PACSIN2: variants seen among roughly 807,000 people sequenced by gnomAD.
PACSIN2 encodes protein kinase C and casein kinase substrate in neurons protein 2.
Under a neutral mutation model 63.8 loss-of-function variants are expected in PACSIN2, and 25 were observed. The ratio of observed to expected loss-of-function variants is 0.39; its 90% confidence interval spans 0.29 to 0.55. The LOEUF (loss-of-function observed/expected upper bound fraction) is 0.55, where lower values mean the gene tolerates loss of function less well. PACSIN2 is among the 20% of genes least tolerant of loss of function. PACSIN2 has a pLI of 0.62. For synonymous variants in PACSIN2, 255 were observed against 256.2 expected (o/e 1.00, Z 0.05); for missense variants, 518 against 646.9 (o/e 0.80, Z 2.16).
At chr22:42,981,720 A>C (rs1922159517) in intron 1 of PACSIN2, among the ~76,000 whole-genome samples, 1 of 82,012 alleles carries the variant, frequency 1.2e-5, no homozygotes. Context: ...GGCCGCCCCT[A>C]CTGGGAAGTG....
intron 1 of PACSIN2, among the ~76,000 whole-genome samples, chr22:42,917,606 C>T (rs956024901): frequency 4.0e-5 from 6 of 149,116 alleles, no homozygotes; most frequent in African/African-American, 1.5e-4. Flanking sequence ...CAGAGCAAGA[C>T]CCTATCTCAA....
chr22:42,910,693 C>T (rs977733979), intron 2 of PACSIN2, among the ~76,000 whole-genome samples: 1 of 151,372 alleles, frequency 6.6e-6, no homozygotes, highest in African/African-American at 2.4e-5. Context: ...ATTTCTCAGG[C>T]AGATGTGCCT....
intron 1 of PACSIN2, among the ~76,000 whole-genome samples, chr22:42,986,404 G>A (rs140875356): frequency 8.5e-5 from 13 of 152,190 alleles, no homozygotes; most frequent in East Asian, 3.9e-4. Flanking sequence ...CCGGCCAAAC[G>A]AAATCAAACG....
rs1353522962 is a variant in PACSIN2 at position 42,980,497 on chromosome 22, CCCCTCTCCCTCT to C, written c.-78+34512_-78+34523del. Reference sequence around the variant, plus strand: ...CCCTCTCCCTCTCCCCCTCCCCCTCCCCCTCTCCCTCTCCCTCCACGGTCTCCCTCTGATGCC... The same window carrying C: ...CCCTCTCCCTCTCCCCCTCCCCCTCCCCCTCCACGGTCTCCCTCTGATGCC... On this transcript the variant is annotated intron_variant, in intron 1 of 10. Transcript: ENST00000263246. Among the ~76,000 whole-genome samples the C allele has an allele frequency of 1.2e-4, 17 of 136,706 alleles. No homozygotes were observed. The East Asian group carries it at 3.3e-3, about 27-fold the overall frequency. 89.7% of individuals were successfully genotyped at this position (136,706 alleles called of 152,430 possible). A position where few individuals can be genotyped will look rare whatever the true frequency, so the allele number is the denominator to read the frequency against.
chr22:43,004,705 T>C (rs1182029579), intron 1 of PACSIN2, among the ~76,000 whole-genome samples: 1 of 152,244 alleles, frequency 6.6e-6, no homozygotes, highest in Non-Finnish European at 1.5e-5. Context: ...CACTTTACAT[T>C]AAGAAGATTT....
intron 1 of PACSIN2, among the ~76,000 whole-genome samples, chr22:42,982,885 A>C (rs866551852): frequency 1.6e-4 from 21 of 133,238 alleles, no homozygotes; most frequent in African/African-American, 5.3e-4. Flanking sequence ...AAAAAAAAAA[A>C]AAAAACAACA....
chr22:42,978,724 A>G (rs1233083777), intron 1 of PACSIN2, among the ~76,000 whole-genome samples: 2 of 152,172 alleles, frequency 1.3e-5, no homozygotes, highest in Non-Finnish European at 2.9e-5. Flanking sequence ...GACATATTCA[A>G]AAGTATGTTT....
chr22:42,972,887 T>C (rs1341221574), intron 1 of PACSIN2, among the ~76,000 whole-genome samples: 1 of 152,226 alleles, frequency 6.6e-6, no homozygotes, highest in Admixed American at 6.5e-5. Context: ...TGGCTTTGAA[T>C]GTGCTTCTTT....
intron 1 of PACSIN2, among the ~76,000 whole-genome samples, chr22:42,981,325 C>T (rs1922098747): frequency 7.0e-6 from 1 of 143,486 alleles, no homozygotes; most frequent in African/African-American, 2.7e-5. Flanking sequence ...CGTCTCCGCC[C>T]GGCAGCCACC....
chr22:42,987,110 G>A (rs375286837), intron 1 of PACSIN2, among the ~76,000 whole-genome samples: 1 of 152,130 alleles, frequency 6.6e-6, no homozygotes, highest in African/African-American at 2.4e-5. Flanking sequence ...ATGACTTGCT[G>A]GGGGGTGTGT....
At chr22:43,009,970 A>C (rs542699737) in intron 1 of PACSIN2, among the ~76,000 whole-genome samples, 1 of 142,568 alleles carries the variant, frequency 7.0e-6, no homozygotes, top group South Asian at 2.2e-4. Flanking sequence ...CCCGGGTTCT[A>C]GTGATTCTCC....
intron 1 of PACSIN2, among the ~76,000 whole-genome samples, chr22:42,965,492 G>A (rs1270407555): frequency 1.3e-5 from 2 of 152,214 alleles, no homozygotes; most frequent in Non-Finnish European, 2.9e-5. Context: ...GCCCCCAGCA[G>A]AAGTCTAGTA....
chr22:43,013,648 G>A (rs1924647268), intron 1 of PACSIN2, among the ~76,000 whole-genome samples: 1 of 152,214 alleles, frequency 6.6e-6, no homozygotes, highest in South Asian at 2.1e-4. Flanking sequence ...AATCCCAGGA[G>A]GGTTAAAACA....
At chr22:42,956,390 C>T in intron 1 of PACSIN2, among the ~76,000 whole-genome samples, 1 of 152,178 alleles carries the variant, frequency 6.6e-6, no homozygotes, top group South Asian at 2.1e-4. Flanking sequence ...CAACCTGTTA[C>T]TTGGTGTCAA....
At chr22:42,915,520 T>C (rs977768089) in intron 1 of PACSIN2, among the ~76,000 whole-genome samples, 3 of 152,140 alleles carry the variant, frequency 2.0e-5, no homozygotes, top group African/African-American at 4.8e-5. Context: ...ACCCCACGGG[T>C]ATCCCCTGTG....
chr22:43,002,662 C>T (rs1460836744), intron 1 of PACSIN2, among the ~76,000 whole-genome samples: 1 of 152,066 alleles, frequency 6.6e-6, no homozygotes, highest in African/African-American at 2.4e-5. Flanking sequence ...TTAAGGTGTT[C>T]ATACCCTTTA....
intron 7 of PACSIN2, 111 bp from the exon 8 acceptor site, chr22:42,879,280 G>C: frequency 8.5e-7 from 1 of 1,177,986 alleles, no homozygotes; most frequent in Non-Finnish European, 1.2e-6. Flanking sequence ...TGCATCTGAT[G>C]TGTAGACTCA....
At chr22:42,934,327 A>G (rs943280644) in intron 1 of PACSIN2, among the ~76,000 whole-genome samples, 1 of 152,218 alleles carries the variant, frequency 6.6e-6, no homozygotes, top group Non-Finnish European at 1.5e-5. Context: ...TCTACGGGAA[A>G]CGCAAGACCT....
In PACSIN2 at chr22:42,876,952, G is replaced by A. The variant is rs765133604; in HGVS notation, c.1087C>T (p.Pro363Ser). The A allele has an allele frequency of 1.2e-6, 2 of 1,614,160 alleles. No homozygotes were observed. Among genetic ancestry groups the A allele is most frequent in the South Asian group, 2.2e-5 (2 of 91,088 alleles). Reference protein sequence around the residue: ...QSAQSQSSYNPFEDEDDTGST... With the variant: ...QSAQSQSSYNSFEDEDDTGST... The stretch of plus-strand genomic sequence containing the variant: ...CCCGTGTCGTCCTCATCCTCGAAGG[G>A]GTTGTAGCTGGACTGTGACTGCGCA... Residue 363 changes from proline (P) to serine (S), a missense_variant, in exon 9 of 11, where the codon CCC becomes TCC. Around this residue, in one of 2 missense-constraint regions of PACSIN2, gnomAD observed 507 missense variants for 612.3 expected, o/e 0.83. Transcript: ENST00000263246.
Sources: allele counts gnomAD v4.1 joint callset (sites outside exome capture counted in the v4.1 genomes callset), GRCh38; gene constraint gnomAD v4.1.1; regional missense constraint gnomAD v4.1.1; transcripts MANE v1.5; gene names NCBI Gene and HGNC (gene_info 2026-07-23, HGNC 2026-07-21).